UNC5D: variants seen among roughly 807,000 people sequenced by gnomAD.
The protein encoded by UNC5D is netrin receptor UNC5D.
In UNC5D, 39 loss-of-function variants were observed where a neutral mutation model predicts 105.4. That is an observed-to-expected ratio of 0.37 (90% CI 0.29 to 0.48). The LOEUF (loss-of-function observed/expected upper bound fraction) is 0.48, where lower values mean the gene tolerates loss of function less well. Ranked by LOEUF, UNC5D falls within the 20% of genes least tolerant of loss-of-function variation. UNC5D has a pLI of 0.98. For synonymous variants in UNC5D, 452 were observed against 450.4 expected (o/e 1.00, Z -0.04); for missense variants, 991 against 1,202.4 (o/e 0.82, Z 2.60).
At chr8:35,657,080 GTATATATATATA>G (rs3077002) in intron 4 of UNC5D, among the ~76,000 whole-genome samples, 68 of 46,516 alleles carry the variant, frequency 1.5e-3, no homozygotes, top group East Asian at 4.9e-3. Context: ...GTGTGTGTGT[GTATATATATATA>G]TATATATATA....
At chr8:35,525,662 G>T in intron 1 of UNC5D, 1 of 1,612,200 alleles carries the variant, frequency 6.2e-7, no homozygotes, top group Admixed American at 1.7e-5. Context: ...TTTTGGATTG[G>T]TAGTCAAAGG....
chr8:35,366,843 G>A (rs1802149862), intron 1 of UNC5D, among the ~76,000 whole-genome samples: 1 of 152,126 alleles, frequency 6.6e-6, no homozygotes. Flanking sequence ...TTGTCACATG[G>A]TAGACAGCCT....
intron 1 of UNC5D, among the ~76,000 whole-genome samples, chr8:35,446,903 T>C (rs1241012928): frequency 1.3e-5 from 2 of 152,130 alleles, no homozygotes; most frequent in African/African-American, 4.8e-5. Context: ...CATTTGGTGT[T>C]CTACAGTTTG....
chr8:35,748,773 C>T, intron 12 of UNC5D, 78 bp downstream of exon 12: 2 of 1,462,650 alleles, frequency 1.4e-6, no homozygotes, highest in South Asian at 1.4e-5. Flanking sequence ...TAACATCTAA[C>T]ACCACAAATC....
chr8:35,670,267 G>A (rs779008769), intron 4 of UNC5D, among the ~76,000 whole-genome samples: 26 of 152,130 alleles, frequency 1.7e-4, no homozygotes, highest in Non-Finnish European at 1.2e-4. Context: ...TCGGTGATTT[G>A]ATAGAATGGA....
At chr8:35,252,112 C>G (rs544763071) in intron 1 of UNC5D, among the ~76,000 whole-genome samples, 1 of 151,350 alleles carries the variant, frequency 6.6e-6, no homozygotes, top group African/African-American at 2.4e-5. Context: ...GGCTCTGCCC[C>G]ACGGGGTTCA....
chr8:35,676,129 C>G (rs1825199689), intron 4 of UNC5D, among the ~76,000 whole-genome samples: 1 of 152,138 alleles, frequency 6.6e-6, no homozygotes, highest in Admixed American at 6.5e-5. Flanking sequence ...CTGTCCCCAG[C>G]TAACCAGAAT....
intron 1 of UNC5D, among the ~76,000 whole-genome samples, chr8:35,302,486 G>GCTTCCTTCTGTTTTAGAGAAGGTT (rs1410234253): frequency 6.6e-6 from 1 of 152,228 alleles, no homozygotes; most frequent in Admixed American, 6.5e-5. Context: ...ATTTTAGAAA[G>GCTTCCTTCTGTTTTAGAGAAGGTT]CTGTTTTAGA....
chr8:35,390,182 C>T (rs1433917967), intron 1 of UNC5D, among the ~76,000 whole-genome samples: 1 of 152,070 alleles, frequency 6.6e-6, no homozygotes, highest in African/African-American at 2.4e-5. Flanking sequence ...TCTCATGAGA[C>T]CTCACTCACT....
At position 35,512,569 on chromosome 8, in the gene UNC5D, A is replaced by ATATATATATATATATATATATATC. The variant is rs539399345; in HGVS notation, c.104-36722_104-36721insATATATATATATATATATATATCT. Among the ~76,000 whole-genome samples the ATATATATATATATATATATATATC allele has an allele frequency of 4.2e-4, 27 of 64,822 alleles. 5 individuals carry two copies. Among genetic ancestry groups the ATATATATATATATATATATATATC allele is most frequent in the South Asian group, 1.8e-3 (3 of 1,662 alleles). 42.5% of individuals were successfully genotyped at this position (64,822 alleles called of 152,430 possible). A position where few individuals can be genotyped will look rare whatever the true frequency, so the allele number is the denominator to read the frequency against. Reference sequence around the variant, plus strand: ...TATATATATATATATATATATATATATCTGAATAGATTACTAAATGGAGAT... The same window carrying ATATATATATATATATATATATATC: ...TATATATATATATATATATATATATATATATATATATATATATATATATCTCTGAATAGATTACTAAATGGAGAT... On this transcript the variant is annotated intron_variant, in intron 1 of 16. Coordinates refer to ENST00000404895, the MANE Select transcript of UNC5D (RefSeq NM_080872.4).
At chr8:35,356,505 G>A (rs1170601828) in intron 1 of UNC5D, among the ~76,000 whole-genome samples, 2 of 152,056 alleles carry the variant, frequency 1.3e-5, no homozygotes, top group Non-Finnish European at 2.9e-5. Context: ...ATGGTCTGTG[G>A]CCAATCATAT....
chr8:35,584,250 A>G (rs1818640760), intron 3 of UNC5D, among the ~76,000 whole-genome samples: 1 of 152,130 alleles, frequency 6.6e-6, no homozygotes, highest in Non-Finnish European at 1.5e-5. Flanking sequence ...GAGTGAATAC[A>G]ATCGACGGAA....
At chr8:35,526,794 A>C (rs1389641790) in intron 1 of UNC5D, among the ~76,000 whole-genome samples, 2 of 152,084 alleles carry the variant, frequency 1.3e-5, no homozygotes, top group Admixed American at 1.3e-4. Flanking sequence ...CTCATTAAAA[A>C]AAAAATGGCC....
intron 1 of UNC5D, among the ~76,000 whole-genome samples, chr8:35,278,695 A>T (rs1805943686): frequency 6.6e-6 from 1 of 152,164 alleles, no homozygotes; most frequent in South Asian, 2.1e-4. Context: ...TAACATATTC[A>T]TCTCCTCACA....
At chr8:35,776,592 T>C (rs1036456521) in intron 16 of UNC5D, among the ~76,000 whole-genome samples, 1 of 152,172 alleles carries the variant, frequency 6.6e-6, no homozygotes, top group Non-Finnish European at 1.5e-5. Context: ...TCTGGGGCCA[T>C]AAAACCTGAG....
intron 1 of UNC5D, chr8:35,255,337 A>G (rs541759864): frequency 5.0e-4 from 76 of 152,284 alleles, no homozygotes; most frequent in African/African-American, 1.8e-3. Flanking sequence ...GCACCCATCC[A>G]TCATAGTGAC....
chr8:35,246,876 T>C (rs1803135895), intron 1 of UNC5D, among the ~76,000 whole-genome samples: 1 of 152,140 alleles, frequency 6.6e-6, no homozygotes, highest in Admixed American at 6.6e-5. Flanking sequence ...TATTGAACAC[T>C]GATTTGATCA....
intron 1 of UNC5D, among the ~76,000 whole-genome samples, chr8:35,260,475 T>G (rs1460445102): frequency 1.3e-5 from 2 of 152,140 alleles, no homozygotes; most frequent in Non-Finnish European, 2.9e-5. Context: ...TTATTATTAT[T>G]GTTGTTGTTG....
intron 11 of UNC5D, among the ~76,000 whole-genome samples, chr8:35,740,618 G>C (rs1222178200): frequency 1.3e-5 from 2 of 152,152 alleles, no homozygotes; most frequent in Non-Finnish European, 2.9e-5. Context: ...CTTGGGCTTT[G>C]TTTAGTGTCT....
Sources: allele counts gnomAD v4.1 joint callset (sites outside exome capture counted in the v4.1 genomes callset), GRCh38; gene constraint gnomAD v4.1.1; transcripts MANE v1.5; gene names NCBI Gene and HGNC (gene_info 2026-07-23, HGNC 2026-07-21).